Variants in KHDRBS3 observed in about 807,000 individuals in gnomAD.
KHDRBS3 encodes KH domain-containing, RNA-binding, signal transduction-associated protein 3.
Under a neutral mutation model 45.6 loss-of-function variants are expected in KHDRBS3, and 23 were observed. That is an observed-to-expected ratio of 0.50 (90% confidence interval 0.36 to 0.72). The LOEUF is 0.72. KHDRBS3 is among the 30% of genes least tolerant of loss of function. The probability of loss-of-function intolerance (pLI) is 0.00; values close to 1 mark genes in which losing one functional copy is unlikely to be tolerated. For synonymous variants in KHDRBS3, 162 were observed against 156.5 expected, an observed-to-expected ratio of 1.04 and a Z score of -0.26; for missense variants, 352 against 424.8, an observed-to-expected ratio of 0.83 and a Z score of 1.51.
intron 2 of KHDRBS3, among the ~76,000 whole-genome samples, chr8:135,532,052 G>C (rs1323449386): frequency 6.6e-6 from 1 of 152,132 alleles, no homozygotes; most frequent in Non-Finnish European, 1.5e-5. Flanking sequence ...TGCAAAGCTT[G>C]ACTCAGTTAG....
intron 6 of KHDRBS3, among the ~76,000 whole-genome samples, chr8:135,590,840 C>A (rs183881406): frequency 6.6e-6 from 1 of 152,260 alleles, no homozygotes; most frequent in East Asian, 1.9e-4. Flanking sequence ...TGCATCAGCT[C>A]TCTATTCATA....
intron 1 of KHDRBS3, among the ~76,000 whole-genome samples, chr8:135,492,248 G>A (rs923899882): frequency 3.3e-5 from 5 of 151,832 alleles, no homozygotes; most frequent in Non-Finnish European, 5.9e-5. Context: ...CTAGATACGT[G>A]GATTGTAGTA....
At chr8:135,642,894 G>A (rs1831123277) in intron 7 of KHDRBS3, among the ~76,000 whole-genome samples, 1 of 151,630 alleles carries the variant, frequency 6.6e-6, no homozygotes, top group African/African-American at 2.4e-5. Flanking sequence ...CTGGGTTCAA[G>A]CAGTTCCCCT....
chr8:135,632,574 C>A (rs147363607), intron 7 of KHDRBS3, among the ~76,000 whole-genome samples: 2 of 152,192 alleles, frequency 1.3e-5, no homozygotes, highest in Admixed American at 6.5e-5. Flanking sequence ...TCAAACCTAA[C>A]GTGTCCCAAA....
chr8:135,571,894 C>G (rs530778139), intron 5 of KHDRBS3, among the ~76,000 whole-genome samples: 23 of 152,280 alleles, frequency 1.5e-4, no homozygotes, highest in African/African-American at 5.3e-4. Context: ...GCACACACTT[C>G]CAAATCCTAC....
intron 1 of KHDRBS3, 28 bp from the exon 2 acceptor site, chr8:135,521,209 C>A: frequency 7.1e-7 from 1 of 1,413,500 alleles, no homozygotes; most frequent in Non-Finnish European, 1.0e-6. Context: ...GAGTCATACA[C>A]TTCATGGTTA....
intron 5 of KHDRBS3, among the ~76,000 whole-genome samples, chr8:135,566,445 C>T (rs1044977351): frequency 1.3e-5 from 2 of 152,200 alleles, no homozygotes; most frequent in South Asian, 2.1e-4. Context: ...CAATCAAACA[C>T]GGTACATTCA....
chr8:135,508,307 A>G (rs1824110384), intron 1 of KHDRBS3, among the ~76,000 whole-genome samples: 1 of 152,214 alleles, frequency 6.6e-6, no homozygotes, highest in Non-Finnish European at 1.5e-5. Context: ...TATCATTAGT[A>G]CAGTCATATT....
chr8:135,589,023 C>G (rs560171704), intron 6 of KHDRBS3, among the ~76,000 whole-genome samples: 5 of 152,272 alleles, frequency 3.3e-5, no homozygotes, highest in Admixed American at 3.3e-4. Context: ...TTCACTTGTT[C>G]CTCATGAATA....
At chr8:135,639,714 A>G (rs559578402) in intron 7 of KHDRBS3, among the ~76,000 whole-genome samples, 4 of 152,348 alleles carry the variant, frequency 2.6e-5, no homozygotes, top group South Asian at 2.1e-4. Context: ...GCTGTTACTC[A>G]TGGCAGAAGG....
In KHDRBS3 at chr8:135,633,080, ACGTATTATTT is replaced by A. The variant is rs1830671091; in HGVS notation, c.891-11978_891-11969del. Among the ~76,000 whole-genome samples, 4 of 152,304 alleles carry A rather than the reference ACGTATTATTT, an allele frequency of 2.6e-5. No individual in the cohort carries two copies. In the East Asian group the frequency reaches 7.7e-4, roughly 29 times the overall value. ...TCTCAGTAGCACATCTGATCATGCG[ACGTATTATTT>A]ATACATATATATAGTTTATTGTCTG... On this transcript the variant is annotated intron_variant, in intron 7 of 8. Transcript: ENST00000355849.
intron 1 of KHDRBS3, among the ~76,000 whole-genome samples, chr8:135,476,201 T>C (rs1822274008): frequency 1.3e-5 from 2 of 152,136 alleles, no homozygotes; most frequent in African/African-American, 2.4e-5. Flanking sequence ...TGTAGTGCAG[T>C]GGTGCAATCT....
chr8:135,568,655 G>T (rs1827547257), intron 5 of KHDRBS3, among the ~76,000 whole-genome samples: 1 of 152,164 alleles, frequency 6.6e-6, no homozygotes, highest in Non-Finnish European at 1.5e-5. Flanking sequence ...AATATACGTA[G>T]CTGTCAAGTC....
At chr8:135,517,512 T>C (rs2130629005) in intron 1 of KHDRBS3, among the ~76,000 whole-genome samples, 1 of 152,276 alleles carries the variant, frequency 6.6e-6, no homozygotes, top group South Asian at 2.1e-4. Context: ...CGTAGATAAT[T>C]TTGTGCAATT....
chr8:135,567,019 T>C (rs1198294616), intron 5 of KHDRBS3, among the ~76,000 whole-genome samples: 2 of 152,160 alleles, frequency 1.3e-5, no homozygotes, highest in African/African-American at 4.8e-5. Flanking sequence ...GGTGGCAGTC[T>C]TCATTGACTG....
intron 7 of KHDRBS3, among the ~76,000 whole-genome samples, chr8:135,630,482 A>AATGT (rs11269726): frequency 0.011 from 1,658 of 150,994 alleles, 30 homozygotes; most frequent in African/African-American, 0.035. Flanking sequence ...TATAAAGTTT[A>AATGT]ATGTATGTAT....
At chr8:135,520,934 C>T (rs1824873312) in intron 1 of KHDRBS3, among the ~76,000 whole-genome samples, 1 of 152,092 alleles carries the variant, frequency 6.6e-6, no homozygotes, top group Non-Finnish European at 1.5e-5. Flanking sequence ...TTTATTTGAT[C>T]AGCCTTATCT....
intron 2 of KHDRBS3, 37 bp from the exon 3 acceptor site, chr8:135,542,617 T>TA (rs756212761): frequency 1.5e-6 from 2 of 1,342,902 alleles, no homozygotes; most frequent in South Asian, 2.3e-5. Context: ...TGCTTTCACA[T>TA]ATAAATGCTA....
rs1217753044 is a variant in KHDRBS3, at chr8:135,481,238, A to ATATG, written c.88+23287_88+23288insGTAT. On this transcript the variant is annotated intron_variant, in intron 1 of 8. Coordinates refer to ENST00000355849, the MANE Select transcript of KHDRBS3 (RefSeq NM_006558.3). ...TGAAAGCCACGATATATATATATATATATATATATATATTTAATGTAAGCC... is the reference window on the plus strand; with the variant it reads ...TGAAAGCCACGATATATATATATATATATGTATATATATATATTTAATGTAAGCC... Among the ~76,000 whole-genome samples the ATATG allele has an allele frequency of 6.2e-4, 42 of 68,210 alleles. 2 individuals carry two copies. Among genetic ancestry groups the ATATG allele is most frequent in the Admixed American group, 3.4e-3 (25 of 7,318 alleles). The allele number at this position is 68,210 out of a possible 152,430, so 44.7% of individuals were successfully genotyped here. A position where few individuals can be genotyped will look rare whatever the true frequency, so the allele number is the denominator to read the frequency against.
Sources: allele counts gnomAD v4.1 joint callset (sites outside exome capture counted in the v4.1 genomes callset), GRCh38; gene constraint gnomAD v4.1.1; transcripts MANE v1.5; gene names NCBI Gene and HGNC (gene_info 2026-07-23, HGNC 2026-07-21).